The following RALGAPA2 variants were observed in gnomAD, a reference collection of about 807,000 sequenced individuals.
RALGAPA2 encodes ral GTPase-activating protein subunit alpha-2.
In RALGAPA2, 139 loss-of-function variants were observed where a neutral mutation model predicts 230.4. That is an observed-to-expected ratio of 0.60 (90% confidence interval 0.53 to 0.69). The LOEUF (loss-of-function observed/expected upper bound fraction) is 0.69. Ranked by LOEUF, RALGAPA2 falls within the 30% of genes least tolerant of loss-of-function variation. The pLI, the probability that RALGAPA2 is intolerant of heterozygous loss-of-function variation, is 0.00. For synonymous variants in RALGAPA2, 847 were observed against 837.8 expected, an observed-to-expected ratio of 1.01 and a Z score of -0.19; for missense variants, 2,163 against 2,276.0, an observed-to-expected ratio of 0.95 and a Z score of 1.01.
chr20:20,703,850 T>C (rs1440045672), intron 1 of RALGAPA2, among the ~76,000 whole-genome samples: 1 of 152,180 alleles, frequency 6.6e-6, no homozygotes, highest in Non-Finnish European at 1.5e-5. Context: ...GGGCACATGT[T>C]CATTGAGTGG....
intron 9 of RALGAPA2, among the ~76,000 whole-genome samples, chr20:20,632,065 C>T (rs2066692235): frequency 2.6e-5 from 4 of 151,588 alleles, no homozygotes; most frequent in South Asian, 4.2e-4. Context: ...CGCTCAGTTG[C>T]CCAGGCTGGA....
intron 19 of RALGAPA2, 99 bp from the exon 20 acceptor site, chr20:20,583,325 C>T (rs532318299): frequency 1.6e-6 from 2 of 1,255,226 alleles, no homozygotes; most frequent in South Asian, 1.6e-5. Flanking sequence ...ACAGCAGACA[C>T]AGTAGGAATC....
chr20:20,562,990 T>C (rs2064304209), intron 23 of RALGAPA2, among the ~76,000 whole-genome samples: 1 of 152,200 alleles, frequency 6.6e-6, no homozygotes, highest in African/African-American at 2.4e-5. Context: ...CAAAACCTTG[T>C]GGAAAACACT....
At chr20:20,588,928 T>G (rs1405616633) in intron 18 of RALGAPA2, among the ~76,000 whole-genome samples, 1 of 152,158 alleles carries the variant, frequency 6.6e-6, no homozygotes, top group African/African-American at 2.4e-5. Flanking sequence ...TTCTAGTAAT[T>G]CATGTCAGGT....
chr20:20,534,082 A>G (rs1274748710), intron 26 of RALGAPA2, among the ~76,000 whole-genome samples: 1 of 152,212 alleles, frequency 6.6e-6, no homozygotes, highest in Admixed American at 6.5e-5. Context: ...TAATTAAAAA[A>G]TCAGAGGATA....
intron 1 of RALGAPA2, among the ~76,000 whole-genome samples, chr20:20,699,721 A>T (rs1487232738): frequency 6.6e-6 from 1 of 152,220 alleles, no homozygotes; most frequent in South Asian, 2.1e-4. Flanking sequence ...CATCATCACT[A>T]ATCATCAAAG....
chr20:20,629,416 T>C lies in RALGAPA2; in HGVS notation c.1180A>G (p.Ile394Val). ...HRMVYEMVQR[I>V]LLSTRGYVNF... ...ACATAACCTCGTGTTGACAAGAGAA[T>C]CCGCTGTACCATTTCATACACCATT... The change falls in exon 10 of 40, where the codon ATT becomes GTT. Residue 394 changes from isoleucine to valine, a missense_variant. Transcript: ENST00000202677. 4 of 1,613,266 alleles carry C rather than the reference T, an allele frequency of 2.5e-6. No individual in the cohort carries two copies. The highest frequency in any genetic ancestry group is 2.5e-6 in the Non-Finnish European group (3 of 1,179,734).
chr20:20,581,145 A>G (rs1182161396), intron 20 of RALGAPA2, among the ~76,000 whole-genome samples: 4 of 152,194 alleles, frequency 2.6e-5, no homozygotes, highest in African/African-American at 9.6e-5. Context: ...AGTTAATCAC[A>G]ACATGGAGTG....
At chr20:20,461,318 A>G (rs2061297179) in intron 37 of RALGAPA2, among the ~76,000 whole-genome samples, 1 of 152,224 alleles carries the variant, frequency 6.6e-6, no homozygotes, top group Non-Finnish European at 1.5e-5. Flanking sequence ...TAAATTTAAA[A>G]CTAACTTACA....
intron 27 of RALGAPA2, among the ~76,000 whole-genome samples, chr20:20,531,310 G>A (rs1360194753): frequency 1.3e-5 from 2 of 152,210 alleles, no homozygotes; most frequent in Non-Finnish European, 2.9e-5. Context: ...GCCAGATGGT[G>A]AACACTGAGA....
chr20:20,485,063 A>G (rs1354967150), intron 36 of RALGAPA2, among the ~76,000 whole-genome samples: 1 of 148,584 alleles, frequency 6.7e-6, no homozygotes. Context: ...TTTTTTTTGC[A>G]ATTTTTTTTA....
At chr20:20,698,343 TCA>T (rs2146965813) in intron 1 of RALGAPA2, among the ~76,000 whole-genome samples, 1 of 152,026 alleles carries the variant, frequency 6.6e-6, no homozygotes, top group East Asian at 1.9e-4. Flanking sequence ...CAATCTCGGC[TCA>T]CTGCATCCTC....
chr20:20,561,662 G>C (rs951445994), intron 23 of RALGAPA2, among the ~76,000 whole-genome samples: 1 of 152,068 alleles, frequency 6.6e-6, no homozygotes, highest in Non-Finnish European at 1.5e-5. Flanking sequence ...AATCTCCCTG[G>C]TTAAATTTTT....
rs77782276 is a variant in RALGAPA2 at position 20,592,265 on chromosome 20, G to A, written c.2204-951C>T. Among the ~76,000 whole-genome samples the A allele has an allele frequency of 4.5e-4, 68 of 152,212 alleles. 1 individual carries two copies. The East Asian group carries it at 0.011, about 25-fold the overall frequency. On this transcript the variant is annotated intron_variant, in intron 16 of 39. Transcript: ENST00000202677. ...CAAAGCCCTCTCTTGTTAGAGATTCGTCAAACATCCTAGTCAGGGTGAACA... is the reference window on the plus strand; with the variant it reads ...CAAAGCCCTCTCTTGTTAGAGATTCATCAAACATCCTAGTCAGGGTGAACA...
At chr20:20,504,650 C>T (rs1230193371) in intron 34 of RALGAPA2, among the ~76,000 whole-genome samples, 3 of 151,632 alleles carry the variant, frequency 2.0e-5, no homozygotes, top group Non-Finnish European at 1.5e-5. Context: ...TGCTGGAACC[C>T]GGGAGGTGGA....
intron 26 of RALGAPA2, among the ~76,000 whole-genome samples, chr20:20,534,669 T>C (rs1391756632): frequency 1.3e-5 from 2 of 152,168 alleles, no homozygotes; most frequent in African/African-American, 4.8e-5. Flanking sequence ...AGTTTTACCA[T>C]CAAGGTCTAC....
chr20:20,693,491 A>G (rs2068989677), intron 1 of RALGAPA2, among the ~76,000 whole-genome samples: 1 of 152,180 alleles, frequency 6.6e-6, no homozygotes, highest in Non-Finnish European at 1.5e-5. Context: ...TATAATCAAA[A>G]TCGCTCCTGA....
chr20:20,406,380 C>T (rs1473383283), intron 38 of RALGAPA2, among the ~76,000 whole-genome samples: 1 of 152,044 alleles, frequency 6.6e-6, no homozygotes, highest in African/African-American at 2.4e-5. Flanking sequence ...AAGAAGAATA[C>T]ATCTTAAATT....
chr20:20,576,295 T>A (rs1300888150), intron 20 of RALGAPA2, among the ~76,000 whole-genome samples: 1 of 152,128 alleles, frequency 6.6e-6, no homozygotes, highest in Non-Finnish European at 1.5e-5. Flanking sequence ...TTTTAGGTAA[T>A]TCTTTTTTCT....
Sources: allele counts gnomAD v4.1 joint callset (sites outside exome capture counted in the v4.1 genomes callset), GRCh38; gene constraint gnomAD v4.1.1; transcripts MANE v1.5; gene names NCBI Gene and HGNC (gene_info 2026-07-23, HGNC 2026-07-21).